The following GRIK4 variants were observed in gnomAD, a reference collection of about 807,000 sequenced individuals.
GRIK4 encodes glutamate ionotropic receptor kainate type subunit 4, also known as glutamate receptor ionotropic, kainate 4.
A neutral mutation model predicts 104.9 loss-of-function variants in GRIK4; 40 were observed. The observed-to-expected ratio is 0.38, with a 90% CI of 0.30 to 0.50. The LOEUF (loss-of-function observed/expected upper bound fraction) is 0.50, where lower values mean the gene tolerates loss of function less well. Ranked by LOEUF, GRIK4 falls within the 20% of genes least tolerant of loss-of-function variation. GRIK4 has a pLI of 0.93. For missense variants in GRIK4, 1,047 were observed against 1,308.1 expected, an observed-to-expected ratio of 0.80 and a Z score of 3.08; for synonymous variants, 485 against 524.9, an observed-to-expected ratio of 0.92 and a Z score of 1.04.
intron 3 of GRIK4, among the ~76,000 whole-genome samples, chr11:120,715,056 AC>A (rs1194559212): frequency 1.3e-5 from 2 of 152,146 alleles, no homozygotes; most frequent in Non-Finnish European, 2.9e-5. Context: ...GGAGGTGTCC[AC>A]CCTGTAGGTA....
intron 2 of GRIK4, 93 bp from the exon 3 acceptor site, chr11:120,660,176 G>A (rs1386183765): frequency 7.9e-6 from 5 of 634,556 alleles, no homozygotes; most frequent in Non-Finnish European, 1.4e-5. Context: ...AAAGACAAAG[G>A]GGCCTCTCCG....
At chr11:120,710,447 A>C (rs1359572168) in intron 3 of GRIK4, among the ~76,000 whole-genome samples, 1 of 151,996 alleles carries the variant, frequency 6.6e-6, no homozygotes, top group Non-Finnish European at 1.5e-5. Flanking sequence ...GACGGCACTG[A>C]CTCACTCTGG....
chr11:120,937,040 T>G (rs191663027), intron 13 of GRIK4, among the ~76,000 whole-genome samples: 19 of 152,242 alleles, frequency 1.2e-4, no homozygotes, highest in African/African-American at 4.3e-4. Flanking sequence ...TAATGTCTTT[T>G]TTTTGTTTTG....
At chr11:120,788,286 A>G (rs549369104) in intron 3 of GRIK4, among the ~76,000 whole-genome samples, 1 of 152,264 alleles carries the variant, frequency 6.6e-6, no homozygotes, top group Non-Finnish European at 1.5e-5. Flanking sequence ...CTCACACATA[A>G]ACCTGGAGGT....
intron 11 of GRIK4, among the ~76,000 whole-genome samples, chr11:120,880,172 T>C: frequency 6.6e-6 from 1 of 152,228 alleles, no homozygotes. Flanking sequence ...ATGGAGGTCG[T>C]AACCTCCCAG....
intron 13 of GRIK4, among the ~76,000 whole-genome samples, chr11:120,929,832 A>G (rs1242234671): frequency 1.7e-5 from 1 of 59,472 alleles, no homozygotes; most frequent in East Asian, 6.5e-3. Context: ...TGGGGAACCT[A>G]CGGCTTCAAG....
intron 1 of GRIK4, among the ~76,000 whole-genome samples, chr11:120,545,484 G>A (rs1015385009): frequency 8.5e-5 from 13 of 152,178 alleles, no homozygotes; most frequent in African/African-American, 1.7e-4. Flanking sequence ...AGTAATTGCC[G>A]TATTGTAGTA....
rs1592064849 is a variant in GRIK4, at chr11:120,905,720, C to T, written c.1476+227C>T. Among the ~76,000 whole-genome samples, 1 of 152,228 alleles carries T rather than the reference C, an allele frequency of 6.6e-6. No homozygotes were observed. The highest frequency in any genetic ancestry group is 1.9e-4 in the East Asian group (1 of 5,196). On this transcript the variant is annotated intron_variant, in intron 13 of 20. Coordinates refer to ENST00000527524, the MANE Select transcript of GRIK4 (RefSeq NM_014619.5). This position sits in a 1 kb window ranked among gnomAD's most constrained non-coding sequence, Gnocchi z 5.1. ...TCCCGTGGCTTTCCCAGTCCAGAGCCTGTGACAAGTCATGGAGGCTCTGAT... is the reference window on the plus strand; with the variant it reads ...TCCCGTGGCTTTCCCAGTCCAGAGCTTGTGACAAGTCATGGAGGCTCTGAT...
At chr11:120,658,762 T>A (rs1295056590) in intron 2 of GRIK4, among the ~76,000 whole-genome samples, 7 of 104,034 alleles carry the variant, frequency 6.7e-5, no homozygotes, top group Non-Finnish European at 1.3e-4. Context: ...TTTTTTTTTT[T>A]TTTTGAGACG....
chr11:120,801,831 G>A (rs1339946298), intron 3 of GRIK4, among the ~76,000 whole-genome samples: 1 of 152,072 alleles, frequency 6.6e-6, no homozygotes, highest in African/African-American at 2.4e-5. Flanking sequence ...GCCATATCTT[G>A]TAATCTTCAC....
chr11:120,675,738 A>G (rs969510436), intron 3 of GRIK4, among the ~76,000 whole-genome samples: 7 of 152,112 alleles, frequency 4.6e-5, no homozygotes, highest in Non-Finnish European at 1.0e-4. Flanking sequence ...AAATGGGGAT[A>G]ATAATACTCA....
chr11:120,762,647 T>C (rs950169164), intron 3 of GRIK4, among the ~76,000 whole-genome samples: 7 of 152,278 alleles, frequency 4.6e-5, no homozygotes, highest in Non-Finnish European at 1.0e-4. Flanking sequence ...TTTAGCATGA[T>C]GGGGTATTGA....
intron 3 of GRIK4, among the ~76,000 whole-genome samples, chr11:120,735,158 C>G (rs2846119): frequency 0.75 from 113,722 of 152,014 alleles, 42,912 homozygotes; most frequent in Middle Eastern, 0.85. Context: ...GGGCATTGAG[C>G]AGTTAGGTGT....
chr11:120,925,620 T>C (rs747687918), intron 13 of GRIK4, among the ~76,000 whole-genome samples: 6 of 152,122 alleles, frequency 3.9e-5, no homozygotes, highest in Non-Finnish European at 7.4e-5. Flanking sequence ...CCATGGCCTA[T>C]TGGTGACTGT....
At position 120,601,646 on chromosome 11, in the gene GRIK4, G is replaced by GT. The variant is rs1199063747; in HGVS notation, c.-158-52039_-158-52038insT. ...TTGGTTCTGTTGTTGTTGTGTGTGTGGTTTTTTTTTTTTTTTTTTTAAGTT... is the reference window on the plus strand; with the variant it reads ...TTGGTTCTGTTGTTGTTGTGTGTGTGTGTTTTTTTTTTTTTTTTTTTAAGTT... On this transcript the variant is annotated intron_variant, in intron 1 of 20. Coordinates refer to ENST00000527524, the MANE Select transcript of GRIK4 (RefSeq NM_014619.5). Among the ~76,000 whole-genome samples, 848 of 91,172 alleles carry GT rather than the reference G, an allele frequency of 9.3e-3. 13 individuals carry two copies. Among genetic ancestry groups the GT allele is most frequent in the African/African-American group, 0.035 (800 of 22,804 alleles). 59.8% of individuals were successfully genotyped at this position (91,172 alleles called of 152,430 possible). A position where few individuals can be genotyped will look rare whatever the true frequency, so the allele number is the denominator to read the frequency against.
intron 1 of GRIK4, among the ~76,000 whole-genome samples, chr11:120,515,427 C>T (rs1947713568): frequency 6.6e-6 from 1 of 152,222 alleles, no homozygotes; most frequent in African/African-American, 2.4e-5. Flanking sequence ...AGAGGGTTAG[C>T]AGCATGGAAT....
At position 120,623,375 on chromosome 11, in the gene GRIK4, C is replaced by T. The variant is rs11217926; in HGVS notation, c.-158-30310C>T. Among the ~76,000 whole-genome samples the T allele has an allele frequency of 5.5e-3, 840 of 152,228 alleles. 3 individuals are homozygous for T. The highest frequency in any genetic ancestry group is 0.014 in the Middle Eastern group (4 of 294). Reference sequence around the variant, plus strand: ...CTTGGCCTCCTGGGCTCAAGTGATCCTCCCGCCTTGGACTCCCAAAGTACT... The same window carrying T: ...CTTGGCCTCCTGGGCTCAAGTGATCTTCCCGCCTTGGACTCCCAAAGTACT... On this transcript the variant is annotated intron_variant, in intron 1 of 20. Transcript: ENST00000527524.
chr11:120,895,987 C>T (rs1041158071), intron 11 of GRIK4, among the ~76,000 whole-genome samples: 4 of 152,162 alleles, frequency 2.6e-5, no homozygotes, highest in African/African-American at 7.2e-5. Flanking sequence ...GAGGAGGGCT[C>T]GGAGAAAGAG....
chr11:120,967,238 G>A lies in GRIK4; in HGVS notation c.2310G>A (p.Leu770=), dbSNP rs767331421. ...RDEFDLAILQ[L]QENNRLEILK... ...AGTTTGATCTGGCCATTCTCCAGCT[G>A]CAGGAGAACAACCGCCTGGAGATCC... is the stretch of plus-strand genomic sequence containing the variant. The change falls in exon 19 of 21, where the codon CTG becomes CTA. Residue 770 remains leucine, a synonymous_variant. Transcript: ENST00000527524. The surrounding 1 kb of genome is among the most constrained non-coding windows in gnomAD (Gnocchi z 4.2). 1.2e-5 allele frequency: 20 copies of A among 1,613,770 alleles called. No homozygotes were observed. The highest frequency in any genetic ancestry group is 8.3e-5 in the Admixed American group (5 of 59,974).
Sources: gnomAD v4.1 joint callset for allele counts (sites outside exome capture counted in the v4.1 genomes callset) on GRCh38, gnomAD v4.1.1 for gene constraint, Gnocchi (gnomAD v3.1) non-coding constraint, MANE v1.5 for transcripts, NCBI Gene and HGNC (gene_info 2026-07-23, HGNC 2026-07-21) for gene names.